The following CDYL variants were observed in gnomAD, a reference collection of about 807,000 sequenced individuals.
The protein encoded by CDYL is chromodomain Y-like protein.
CDYL carries 8 observed loss-of-function variants against 47.3 expected under a neutral mutation model. The observed-to-expected ratio is 0.17, with a 90% CI of 0.10 to 0.31. CDYL has a LOEUF of 0.31. Ranked by LOEUF, CDYL falls within the 10% of genes least tolerant of loss-of-function variation. CDYL has a pLI of 1.00. For missense variants in CDYL, 471 were observed against 701.4 expected, an observed-to-expected ratio of 0.67 and a Z score of 3.71; for synonymous variants, 266 against 265.0, an observed-to-expected ratio of 1.00 and a Z score of -0.04.
intron 2 of CDYL, among the ~76,000 whole-genome samples, chr6:4,914,106 G>A (rs966715070): frequency 6.6e-6 from 1 of 152,196 alleles, no homozygotes; most frequent in Non-Finnish European, 1.5e-5. Flanking sequence ...GTGGGAACAG[G>A]GTAATCTTTG....
At chr6:4,852,258 G>A (rs1201677351) in intron 1 of CDYL, among the ~76,000 whole-genome samples, 1 of 152,144 alleles carries the variant, frequency 6.6e-6, no homozygotes, top group East Asian at 1.9e-4. Context: ...ATTTTGCAAG[G>A]AAGAGCTGTC....
chr6:4,857,844 C>A (rs979572883), intron 1 of CDYL, among the ~76,000 whole-genome samples: 5 of 152,154 alleles, frequency 3.3e-5, no homozygotes, highest in East Asian at 1.9e-4. Flanking sequence ...TTCCTTGAAC[C>A]CTTGCTGAAG....
At position 4,900,779 on chromosome 6, in the gene CDYL, G is replaced by GTGTATGTATA; in HGVS notation, c.691+8401_691+8402insGTATGTATAT. ...TCTTCTGTTAATTCCGTATACGTGT[G>GTGTATGTATA]TATATATATATATATATATATATAT... is the stretch of plus-strand genomic sequence containing the variant. On this transcript the variant is annotated intron_variant, in intron 2 of 6. Coordinates refer to ENST00000397588, the MANE Select transcript of CDYL (RefSeq NM_004824.4). Among the ~76,000 whole-genome samples, 3 of 51,720 alleles carry GTGTATGTATA rather than the reference G, an allele frequency of 5.8e-5. 1 individual carries two copies. Among genetic ancestry groups the GTGTATGTATA allele is most frequent in the African/African-American group, 1.9e-4 (3 of 15,884 alleles). 33.9% of individuals were successfully genotyped at this position (51,720 alleles called of 152,430 possible). A position where few individuals can be genotyped will look rare whatever the true frequency, so the allele number is the denominator to read the frequency against.
At chr6:4,925,245 T>C (rs1166745956) in intron 2 of CDYL, among the ~76,000 whole-genome samples, 2 of 152,186 alleles carry the variant, frequency 1.3e-5, no homozygotes, top group African/African-American at 4.8e-5. Context: ...AATGTGTCAC[T>C]TGTTTTTACA....
intron 1 of CDYL, among the ~76,000 whole-genome samples, chr6:4,871,943 A>G (rs1283565946): frequency 1.3e-5 from 2 of 152,194 alleles, no homozygotes; most frequent in African/African-American, 4.8e-5. Flanking sequence ...CCTCCATAAC[A>G]TCGCCCAGGA....
intron 2 of CDYL, among the ~76,000 whole-genome samples, chr6:4,914,097 T>C (rs1422713111): frequency 3.3e-5 from 5 of 151,946 alleles, no homozygotes; most frequent in South Asian, 2.1e-4. Flanking sequence ...CAGTGGAGGG[T>C]GGGAACAGGG....
At chr6:4,726,426 G>A (rs1182393584) in intron 2 of CDYL, among the ~76,000 whole-genome samples, 1 of 151,898 alleles carries the variant, frequency 6.6e-6, no homozygotes, top group African/African-American at 2.4e-5. Context: ...CAGCTACTCA[G>A]GAGGCTGAGG....
chr6:4,856,328 C>T (rs576338439), intron 1 of CDYL, among the ~76,000 whole-genome samples: 1 of 152,252 alleles, frequency 6.6e-6, no homozygotes, highest in South Asian at 2.1e-4. Flanking sequence ...ACTGAAAAAG[C>T]GACCTTTCCT....
At chr6:4,888,084 C>T (rs1056725429) in intron 1 of CDYL, among the ~76,000 whole-genome samples, 1 of 151,962 alleles carries the variant, frequency 6.6e-6, no homozygotes, top group Non-Finnish European at 1.5e-5. Flanking sequence ...TTGCGGAATT[C>T]AATTTGCGAA....
At chr6:4,799,673 G>A (rs1051619562) in intron 1 of CDYL, among the ~76,000 whole-genome samples, 3 of 152,122 alleles carry the variant, frequency 2.0e-5, no homozygotes, top group Admixed American at 6.5e-5. Context: ...TGAGCTAGGC[G>A]ATCTGCCTGC....
chr6:4,938,505 TG>T (rs1192999898), intron 4 of CDYL, among the ~76,000 whole-genome samples: 3 of 152,226 alleles, frequency 2.0e-5, no homozygotes, highest in Admixed American at 6.5e-5. Context: ...CATGGTGTAT[TG>T]AAACACGAAT....
At chr6:4,775,955 G>C (rs1445231769), upstream of CDYL, among the ~76,000 whole-genome samples, 2 of 149,402 alleles carry the variant, frequency 1.3e-5, no homozygotes, top group Non-Finnish European at 3.0e-5. The surrounding 1 kb of genome is among the most constrained non-coding windows in gnomAD (Gnocchi z 7.0). Context: ...CGGCTCGCTC[G>C]CATGGTTCCC....
intron 1 of CDYL, among the ~76,000 whole-genome samples, chr6:4,851,470 T>C (rs1035203979): frequency 3.9e-5 from 6 of 152,134 alleles, no homozygotes; most frequent in Non-Finnish European, 5.9e-5. Context: ...GAGGTCTTCA[T>C]TGTGGCAGGC....
intron 1 of CDYL, among the ~76,000 whole-genome samples, chr6:4,816,359 G>C (rs1759675858): frequency 6.6e-6 from 1 of 151,574 alleles, no homozygotes; most frequent in Non-Finnish European, 1.5e-5. Flanking sequence ...ATTTTACAAA[G>C]CCAAAAATAC....
In CDYL at chr6:4,750,954, G is replaced by A. The variant is rs181952869; in HGVS notation, c.186+16110G>A. On this transcript the variant is annotated intron_variant, in intron 3 of 8. Transcript: ENST00000328908. ...TGCAAGCTCTGCCTCCTGGGTTCAC[G>A]CCATTCTCCTGCCTCAGCCTCCCGA... Among the ~76,000 whole-genome samples, 310 of 150,566 alleles carry A rather than the reference G, an allele frequency of 2.1e-3. 3 individuals carry two copies. The highest frequency in any genetic ancestry group is 6.8e-3 in the Middle Eastern group (2 of 294).
intron 2 of CDYL, among the ~76,000 whole-genome samples, chr6:4,919,618 A>T (rs1757655137): frequency 6.6e-6 from 1 of 152,204 alleles, no homozygotes. Context: ...GGTTAGAGTT[A>T]CTAACCTCTC....
At chr6:4,901,692 C>T (rs1329365711) in intron 2 of CDYL, among the ~76,000 whole-genome samples, 6 of 152,122 alleles carry the variant, frequency 3.9e-5, no homozygotes, top group East Asian at 1.9e-4. Context: ...TTTTTATAAG[C>T]GTAATTGATT....
At chr6:4,797,963 CT>C (rs201947415) in intron 1 of CDYL, among the ~76,000 whole-genome samples, 3 of 151,290 alleles carry the variant, frequency 2.0e-5, no homozygotes, top group East Asian at 3.9e-4. Context: ...GAGTGAACAT[CT>C]TTTTTTTTCT....
chr6:4,717,703 CAAAAAAAAAAAAAAAAAAAAAA>C (rs200835710), intron 2 of CDYL, among the ~76,000 whole-genome samples: 4 of 49,342 alleles, frequency 8.1e-5, no homozygotes, highest in South Asian at 1.6e-3. Context: ...AAGACCCTCA[CAAAAAAAAAAAAAAAAAAAAAA>C]AAAAAAAAAA....
Sources: gnomAD v4.1 joint callset for allele counts (sites outside exome capture counted in the v4.1 genomes callset) on GRCh38, gnomAD v4.1.1 for gene constraint, Gnocchi (gnomAD v3.1) non-coding constraint, MANE v1.5 for transcripts, NCBI Gene and HGNC (gene_info 2026-07-23, HGNC 2026-07-21) for gene names.